PAK5: variants seen among roughly 807,000 people sequenced by gnomAD.
PAK5 encodes the protein serine/threonine-protein kinase PAK 5.
In PAK5, 16 loss-of-function variants were observed where a neutral mutation model predicts 65.9. The observed-to-expected ratio is 0.24, with a 90% CI of 0.16 to 0.37. The LOEUF is 0.37. Ranked by LOEUF, PAK5 falls within the 10% of genes least tolerant of loss-of-function variation. The probability of loss-of-function intolerance (pLI) is 1.00; values close to 1 mark genes in which losing one functional copy is unlikely to be tolerated. For synonymous variants in PAK5, 371 were observed against 354.9 expected (o/e 1.05, Z -0.51); for missense variants, 785 against 903.9 (o/e 0.87, Z 1.69).
At chr20:9,708,800 A>T (rs2048041237) in intron 2 of PAK5, among the ~76,000 whole-genome samples, 1 of 152,170 alleles carries the variant, frequency 6.6e-6, no homozygotes. Context: ...AGATAGCTAA[A>T]TACCCTAATT....
intron 1 of PAK5, among the ~76,000 whole-genome samples, chr20:9,754,687 T>A (rs1488862681): frequency 1.3e-5 from 2 of 152,168 alleles, no homozygotes; most frequent in African/African-American, 4.8e-5. Context: ...CAAGAAGGGG[T>A]TTTGTTTCAG....
intron 3 of PAK5, among the ~76,000 whole-genome samples, chr20:9,594,742 A>T (rs1256014415): frequency 6.6e-6 from 1 of 152,124 alleles, no homozygotes; most frequent in Non-Finnish European, 1.5e-5. Flanking sequence ...ATCATTCCCA[A>T]CTTTGCTGGT....
rs187322987 is a variant in PAK5, at chr20:9,837,975, C to T, written c.-162+787G>A. ...GCCCGAGTTGAAAGCTCCATATACA[C>T]ACACATGGTTTCAAGAAGGGCGATC... On this transcript the variant is annotated intron_variant, in intron 1 of 9. Transcript: ENST00000353224. 3.9e-5 allele frequency among the ~76,000 whole-genome samples: 6 copies of T among 152,274 alleles called. No individual in the cohort carries two copies. In the East Asian group the frequency reaches 9.7e-4, roughly 25 times the overall value.
intron 1 of PAK5, among the ~76,000 whole-genome samples, chr20:9,763,168 A>T (rs558006279): frequency 5.0e-4 from 76 of 152,286 alleles, no homozygotes; most frequent in Non-Finnish European, 9.4e-4. Flanking sequence ...CTTATACAAG[A>T]TAAATAGGTT....
intron 3 of PAK5, among the ~76,000 whole-genome samples, chr20:9,602,002 T>C (rs2046368580): frequency 6.6e-6 from 1 of 152,156 alleles, no homozygotes; most frequent in Non-Finnish European, 1.5e-5. Context: ...GCAACCATAG[T>C]TGACTAATAC....
intron 8 of PAK5, 29 bp downstream of exon 8, chr20:9,544,340 T>C (rs1217494861): frequency 1.9e-6 from 3 of 1,609,920 alleles, no homozygotes; most frequent in Non-Finnish European, 1.7e-6. Flanking sequence ...TCCCCAGTCC[T>C]GCCACGCCTA....
At chr20:9,684,857 C>A (rs73242833) in intron 2 of PAK5, among the ~76,000 whole-genome samples, 1,819 of 152,244 alleles carry the variant, frequency 0.012, 35 homozygotes, top group African/African-American at 0.041. Context: ...CACTGGGGAT[C>A]TTTGGGGTGG....
chr20:9,755,397 A>G (rs1242719079), intron 1 of PAK5, among the ~76,000 whole-genome samples: 2 of 152,200 alleles, frequency 1.3e-5, no homozygotes, highest in African/African-American at 4.8e-5. Flanking sequence ...TAATTAATAG[A>G]GAGATCACAG....
At chr20:9,755,977 C>A (rs991044594) in intron 1 of PAK5, among the ~76,000 whole-genome samples, 4 of 152,156 alleles carry the variant, frequency 2.6e-5, no homozygotes, top group Non-Finnish European at 5.9e-5. Flanking sequence ...TTCCCCATCA[C>A]TGAAACATAG....
intron 3 of PAK5, among the ~76,000 whole-genome samples, chr20:9,590,289 C>T (rs1296860278): frequency 2.0e-5 from 3 of 152,116 alleles, no homozygotes; most frequent in Non-Finnish European, 2.9e-5. Flanking sequence ...TTTTAATGTG[C>T]TACTAGGAAA....
intron 2 of PAK5, among the ~76,000 whole-genome samples, chr20:9,656,702 A>G (rs893082273): frequency 6.6e-6 from 1 of 152,182 alleles, no homozygotes; most frequent in African/African-American, 2.4e-5. Flanking sequence ...AAGTGCAGCT[A>G]ATTAATATCT....
At chr20:9,810,519 C>G (rs2049286696) in intron 1 of PAK5, among the ~76,000 whole-genome samples, 1 of 152,176 alleles carries the variant, frequency 6.6e-6, no homozygotes, top group South Asian at 2.1e-4. Flanking sequence ...GCACTCCCGC[C>G]TGGGTGACAC....
intron 3 of PAK5, among the ~76,000 whole-genome samples, chr20:9,617,522 C>T (rs1471925433): frequency 6.7e-6 from 1 of 148,484 alleles, no homozygotes; most frequent in Non-Finnish European, 1.5e-5. Flanking sequence ...ACTCAATTTG[C>T]AGGGATGAGA....
At chr20:9,722,981 C>T (rs868711949) in intron 1 of PAK5, among the ~76,000 whole-genome samples, 14 of 152,234 alleles carry the variant, frequency 9.2e-5, no homozygotes, top group African/African-American at 7.2e-5. Context: ...TCCTCCCCCC[C>T]TCATTCTCCC....
At chr20:9,686,721 T>C (rs1393938971) in intron 2 of PAK5, among the ~76,000 whole-genome samples, 1 of 152,180 alleles carries the variant, frequency 6.6e-6, no homozygotes, top group Non-Finnish European at 1.5e-5. Context: ...CAGGTAACCC[T>C]TGCATTGAGA....
At chr20:9,818,453 T>A (rs1224805334) in intron 1 of PAK5, among the ~76,000 whole-genome samples, 1 of 152,130 alleles carries the variant, frequency 6.6e-6, no homozygotes, top group African/African-American at 2.4e-5. Context: ...AAATAAAGTA[T>A]TTTTTACTCT....
At chr20:9,791,295 T>C (rs1053860084) in intron 1 of PAK5, among the ~76,000 whole-genome samples, 1 of 152,134 alleles carries the variant, frequency 6.6e-6, no homozygotes, top group Non-Finnish European at 1.5e-5. Flanking sequence ...CTGTCTACAA[T>C]TGAACTCCTT....
chr20:9,611,264 G>A (rs1341486726), intron 3 of PAK5, among the ~76,000 whole-genome samples: 2 of 152,096 alleles, frequency 1.3e-5, no homozygotes, highest in Non-Finnish European at 2.9e-5. Flanking sequence ...GAGAAAAAGT[G>A]GATTCAGAAT....
At chr20:9,717,291 C>T (rs755784770) in intron 1 of PAK5, among the ~76,000 whole-genome samples, 4 of 152,198 alleles carry the variant, frequency 2.6e-5, no homozygotes, top group East Asian at 1.9e-4. Flanking sequence ...ACTAGCTGCA[C>T]GATTTGAGGC....
Sources: allele counts gnomAD v4.1 joint callset (sites outside exome capture counted in the v4.1 genomes callset), GRCh38; gene constraint gnomAD v4.1.1; transcripts MANE v1.5; gene names NCBI Gene and HGNC (gene_info 2026-07-23, HGNC 2026-07-21).